The following SLC25A25 variants were observed in gnomAD, a reference collection of about 807,000 sequenced individuals.
SLC25A25 encodes the protein mitochondrial adenyl nucleotide antiporter SLC25A25.
A neutral mutation model predicts 57.7 loss-of-function variants in SLC25A25; 32 were observed. That is an observed-to-expected ratio of 0.55 (90% CI 0.42 to 0.74). The LOEUF is 0.74. Among genes scored for constraint, SLC25A25 ranks in the 30% least tolerant of loss-of-function variants. The pLI is 0.00. For missense variants in SLC25A25, 556 were observed against 701.3 expected (o/e 0.79, Z 2.34); for synonymous variants, 306 against 291.2 (o/e 1.05, Z -0.52).
At chr9:128,078,315 G>A (rs534970782) in intron 1 of SLC25A25, among the ~76,000 whole-genome samples, 1 of 152,242 alleles carries the variant, frequency 6.6e-6, no homozygotes, top group African/African-American at 2.4e-5. Flanking sequence ...CCTATATTTT[G>A]CCCCTAGTTT....
Position 128,108,200 on chromosome 9 carries a change from C to G in SLC25A25, c.*756C>G. ...GGATGGGCCCCACCTCAGAACCAAACTCACTGTCCCCACTGTGGCATGAGG... is the reference window on the plus strand; with the variant it reads ...GGATGGGCCCCACCTCAGAACCAAAGTCACTGTCCCCACTGTGGCATGAGG... On this transcript the variant is annotated 3_prime_UTR_variant, in exon 11 of 11. Coordinates refer to ENST00000373069, the MANE Select transcript of SLC25A25 (RefSeq NM_001330988.2). The G allele has an allele frequency of 2.5e-6, 1 of 399,244 alleles. No individual in the cohort carries two copies. The highest frequency in any genetic ancestry group is 4.4e-6 in the Non-Finnish European group (1 of 226,170). The allele number at this position is 399,244 out of a possible 1,614,324, so 24.7% of individuals were successfully genotyped here. A position where few individuals can be genotyped will look rare whatever the true frequency, so the allele number is the denominator to read the frequency against.
intron 1 of SLC25A25, among the ~76,000 whole-genome samples, chr9:128,076,840 G>A (rs887536784): frequency 8.5e-5 from 13 of 152,144 alleles, no homozygotes; most frequent in Non-Finnish European, 1.6e-4. Flanking sequence ...GTCTTGGATG[G>A]GTGACGGGCC....
At chr9:128,097,413 T>A (rs1833592961) in intron 1 of SLC25A25, among the ~76,000 whole-genome samples, 1 of 152,156 alleles carries the variant, frequency 6.6e-6, no homozygotes, top group Non-Finnish European at 1.5e-5. Context: ...AGTTTGTAAT[T>A]TCATGTCATT....
chr9:128,090,439 C>T (rs910176425), intron 1 of SLC25A25, among the ~76,000 whole-genome samples: 6 of 151,706 alleles, frequency 4.0e-5, no homozygotes, highest in African/African-American at 9.7e-5. Context: ...TCTTGAACTC[C>T]GCCTGCCTTG....
chr9:128,072,650 G>A (rs1832931566), intron 1 of SLC25A25, among the ~76,000 whole-genome samples: 2 of 152,138 alleles, frequency 1.3e-5, no homozygotes, highest in African/African-American at 4.8e-5. Flanking sequence ...GCCAGCCAGG[G>A]AAATTTTCTT....
At chr9:128,073,365 C>G (rs1050921644) in intron 1 of SLC25A25, among the ~76,000 whole-genome samples, 2 of 152,192 alleles carry the variant, frequency 1.3e-5, no homozygotes, top group African/African-American at 2.4e-5. Context: ...GAACAAGAAT[C>G]CGCCCTCCCC....
At chr9:128,081,033 T>C (rs948365020) in intron 1 of SLC25A25, among the ~76,000 whole-genome samples, 4 of 152,210 alleles carry the variant, frequency 2.6e-5, no homozygotes, top group Non-Finnish European at 4.4e-5. Flanking sequence ...TGCCAGAGTC[T>C]CTTCCTCTCT....
Position 128,108,282 on chromosome 9 carries a change from G to C in SLC25A25, c.*838G>C. The C allele has an allele frequency of 2.5e-6, 1 of 399,160 alleles. No individual in the cohort carries two copies. The highest frequency in any genetic ancestry group is 4.4e-6 in the Non-Finnish European group (1 of 226,142). The allele number at this position is 399,160 out of a possible 1,614,324, so 24.7% of individuals were successfully genotyped here. On this transcript the variant is annotated 3_prime_UTR_variant, in exon 11 of 11. Transcript: ENST00000373069. ...CAGAGCGTTTGTGTGTTCTGGGGAG[G>C]GAAGGAAAAGGTGTTGGAGGCCTTA...
At chr9:128,074,822 G>T (rs1264949276) in intron 1 of SLC25A25, among the ~76,000 whole-genome samples, 1 of 151,942 alleles carries the variant, frequency 6.6e-6, no homozygotes, top group Non-Finnish European at 1.5e-5. Flanking sequence ...GCAACTTGGT[G>T]AAACCCTGTC....
Position 128,103,564 on chromosome 9 carries a change from C to A in SLC25A25, c.625-117C>A. On this transcript the variant is annotated intron_variant, in intron 5 of 10. Transcript: ENST00000373069. The surrounding 1 kb of genome is among the most constrained non-coding windows in gnomAD (Gnocchi z 6.7). ...CCCGCTTCCCACCCAGAGTCCTTGGCCTTCTCCCTGTCCTGTGGTCCCTGG... is the reference window on the plus strand; with the variant it reads ...CCCGCTTCCCACCCAGAGTCCTTGGACTTCTCCCTGTCCTGTGGTCCCTGG... The A allele has an allele frequency of 7.6e-7, 1 of 1,307,756 alleles. No homozygotes were observed. Among genetic ancestry groups the A allele is most frequent in the South Asian group, 1.3e-5 (1 of 77,516 alleles). The allele number at this position is 1,307,756 out of a possible 1,614,324, so 81.0% of individuals were successfully genotyped here. A position where few individuals can be genotyped will look rare whatever the true frequency, so the allele number is the denominator to read the frequency against.
chr9:128,072,562 C>T (rs1436453129), intron 1 of SLC25A25, among the ~76,000 whole-genome samples: 2 of 152,160 alleles, frequency 1.3e-5, no homozygotes, highest in Non-Finnish European at 2.9e-5. Context: ...CAAGTTTTGC[C>T]ATCTGCCTTT....
chr9:128,091,645 C>T (rs1382668271), intron 1 of SLC25A25: 11 of 1,206,200 alleles, frequency 9.1e-6, no homozygotes, highest in Non-Finnish European at 1.1e-5. Context: ...TCCTTATTGC[C>T]GGCAGCCTGG....
chr9:128,104,151 C>T (rs1181944012), intron 6 of SLC25A25, among the ~76,000 whole-genome samples: 1 of 152,190 alleles, frequency 6.6e-6, no homozygotes. Flanking sequence ...CGTTACCCCA[C>T]ACTGGGGCCA....
chr9:128,083,176 C>T (rs965913429), intron 1 of SLC25A25, among the ~76,000 whole-genome samples: 13 of 150,508 alleles, frequency 8.6e-5, no homozygotes, highest in African/African-American at 2.7e-4. Context: ...TGCCGTGAGC[C>T]GAGATAGTAC....
chr9:128,079,710 G>A (rs886959695), intron 1 of SLC25A25, among the ~76,000 whole-genome samples: 3 of 150,486 alleles, frequency 2.0e-5, no homozygotes, highest in Non-Finnish European at 3.0e-5. Context: ...AACCCAGGAG[G>A]GGCCAGGCGC....
chr9:128,105,885 A>G lies in SLC25A25; in HGVS notation c.936+4A>G, dbSNP rs1834009437. 1.2e-6 allele frequency: 2 copies of G among 1,613,586 alleles called. No homozygotes were observed. The highest frequency in any genetic ancestry group is 4.5e-5 in the East Asian group (2 of 44,882). On this transcript the variant is annotated splice_donor_region_variant and intron_variant, in intron 7 of 10. Transcript: ENST00000373069. ...CAAATTCATGGCCTATGAGCAGGTG[A>G]GGACCCAGCTCCTCAGGAGGGTCAC...
In SLC25A25 at chr9:128,107,448, G is replaced by T. The variant is rs200194334; in HGVS notation, c.*4G>T. ...CCTGGGCGTGCAGTCGCGGTGACGG[G>T]GGGAGGGCCGCCCGGCAGTGGACTC... On this transcript the variant is annotated 3_prime_UTR_variant, in exon 11 of 11. Transcript: ENST00000373069. 4.6e-6 allele frequency: 7 copies of T among 1,505,982 alleles called. No homozygotes were observed. Among genetic ancestry groups the T allele is most frequent in the Non-Finnish European group, 6.2e-6 (7 of 1,126,796 alleles). 93.3% of individuals were successfully genotyped at this position (1,505,982 alleles called of 1,614,324 possible).
intron 1 of SLC25A25, among the ~76,000 whole-genome samples, chr9:128,096,122 G>T (rs1244346549): frequency 4.6e-5 from 7 of 151,854 alleles, no homozygotes; most frequent in Non-Finnish European, 8.8e-5. Context: ...TTTTAATAGG[G>T]CAACATCTCA....
chr9:128,085,586 T>C (rs933194252), intron 1 of SLC25A25, among the ~76,000 whole-genome samples: 1 of 152,176 alleles, frequency 6.6e-6, no homozygotes, highest in Admixed American at 6.5e-5. Flanking sequence ...GCATGATCGC[T>C]AACACCTAGT....
Sources: gnomAD v4.1 joint callset for allele counts (sites outside exome capture counted in the v4.1 genomes callset) on GRCh38, gnomAD v4.1.1 for gene constraint, Gnocchi (gnomAD v3.1) non-coding constraint, MANE v1.5 for transcripts, NCBI Gene and HGNC (gene_info 2026-07-23, HGNC 2026-07-21) for gene names.